Variants in ARB2A observed in about 807,000 individuals in gnomAD.
ARB2A encodes cotranscriptional regulator ARB2A.
chr5:94,094,846 T>C, the ARB2A span, among the ~76,000 whole-genome samples: 1 of 152,180 alleles, frequency 6.6e-6, no homozygotes, highest in East Asian at 1.9e-4. Context: ...CAGAACTCAC[T>C]GAAAGCTATT....
chr5:93,905,029 T>C, the ARB2A span, among the ~76,000 whole-genome samples: 1 of 151,770 alleles, frequency 6.6e-6, no homozygotes, highest in Non-Finnish European at 1.5e-5. Context: ...TTTAATTTCA[T>C]GCCATTTTGC....
At chr5:94,053,609 A>G in the ARB2A span, among the ~76,000 whole-genome samples, 1 of 152,290 alleles carries the variant, frequency 6.6e-6, no homozygotes, top group South Asian at 2.1e-4. Context: ...AAAGAAACTT[A>G]TAAATGTAAA....
chr5:94,003,442 T>C, the ARB2A span, among the ~76,000 whole-genome samples: 60 of 152,216 alleles, frequency 3.9e-4, no homozygotes, highest in Middle Eastern at 6.8e-3. Context: ...TCAGGTTGTG[T>C]ACATAGGATA....
chr5:93,993,378 G>A, the ARB2A span, among the ~76,000 whole-genome samples: 1 of 151,986 alleles, frequency 6.6e-6, no homozygotes, highest in Admixed American at 6.6e-5. Context: ...AAGAGAAATG[G>A]CTCATTAACT....
the ARB2A span, among the ~76,000 whole-genome samples, chr5:93,868,904 T>A: frequency 6.6e-6 from 1 of 152,224 alleles, no homozygotes; most frequent in Non-Finnish European, 1.5e-5. Context: ...TTCGACTGCC[T>A]TACCAAGAAA....
chr5:93,873,644 G>A, the ARB2A span, among the ~76,000 whole-genome samples: 2 of 152,094 alleles, frequency 1.3e-5, no homozygotes, highest in African/African-American at 4.8e-5. Context: ...GAAGAAACAG[G>A]TATGCTTTGG....
chr5:93,782,283 CTTGA>C, the ARB2A span, among the ~76,000 whole-genome samples: 1 of 152,104 alleles, frequency 6.6e-6, no homozygotes, highest in African/African-American at 2.4e-5. Flanking sequence ...AGCTTTCATC[CTTGA>C]TTATCACCTT....
chr5:93,752,702 T>A, the ARB2A span, among the ~76,000 whole-genome samples: 4 of 152,288 alleles, frequency 2.6e-5, no homozygotes, highest in South Asian at 6.2e-4. Flanking sequence ...TATATACTAG[T>A]GATCTATATA....
At chr5:94,074,824 G>A in the ARB2A span, 7 of 1,208,380 alleles carry the variant, frequency 5.8e-6, no homozygotes, top group East Asian at 4.8e-5. Flanking sequence ...TCTATTCCAC[G>A]AGAACTTCCT....
the ARB2A span, among the ~76,000 whole-genome samples, chr5:94,050,074 G>C: frequency 6.6e-6 from 1 of 151,658 alleles, no homozygotes; most frequent in Non-Finnish European, 1.5e-5. Flanking sequence ...CAAGTAACTA[G>C]GACTATAGGC....
At chr5:93,684,236 C>T in the ARB2A span, among the ~76,000 whole-genome samples, 1 of 152,088 alleles carries the variant, frequency 6.6e-6, no homozygotes, top group African/African-American at 2.4e-5. Context: ...GGAATCTGGC[C>T]CTGGGAGTCA....
chr5:94,106,450 G>C, the ARB2A span, among the ~76,000 whole-genome samples: 1 of 152,072 alleles, frequency 6.6e-6, no homozygotes, highest in Non-Finnish European at 1.5e-5. Context: ...AGTTGGAAGG[G>C]CTATTGTTAA....
the ARB2A span, among the ~76,000 whole-genome samples, chr5:93,757,955 G>T: frequency 6.6e-6 from 1 of 152,092 alleles, no homozygotes; most frequent in Non-Finnish European, 1.5e-5. Flanking sequence ...CAGAACCTCA[G>T]AATGGATAAG....
At chr5:94,095,907 C>T in the ARB2A span, among the ~76,000 whole-genome samples, 1 of 152,092 alleles carries the variant, frequency 6.6e-6, no homozygotes, top group Non-Finnish European at 1.5e-5. Context: ...ATCTCTCCCG[C>T]TCTCCATCTC....
At chr5:93,709,638 A>AC in the ARB2A span, among the ~76,000 whole-genome samples, 704 of 145,638 alleles carry the variant, frequency 4.8e-3, 5 homozygotes, top group African/African-American at 0.018. Context: ...GTCACAAAAA[A>AC]AAAAAAAAAA....
chr5:93,621,025 T>C, the ARB2A span: 2 of 1,611,186 alleles, frequency 1.2e-6, no homozygotes, highest in Admixed American at 1.7e-5. Flanking sequence ...GAGCGGCGCG[T>C]CACAGCCGGC....
At chr5:93,800,424 C>T in the ARB2A span, among the ~76,000 whole-genome samples, 4 of 145,696 alleles carry the variant, frequency 2.7e-5, no homozygotes, top group South Asian at 2.2e-4. Context: ...CACACACACA[C>T]GCACACAAAG....
chr5:93,894,176 G>A, the ARB2A span, among the ~76,000 whole-genome samples: 8 of 151,928 alleles, frequency 5.3e-5, no homozygotes, highest in Non-Finnish European at 1.2e-4. Flanking sequence ...CATATCTTAC[G>A]TTGTCATGCA....
At chr5:94,109,722 G>A in the ARB2A span, among the ~76,000 whole-genome samples, 1 of 151,912 alleles carries the variant, frequency 6.6e-6, no homozygotes, top group African/African-American at 2.4e-5. Flanking sequence ...TTTGTACTAG[G>A]CCAACTCATT....
Sources: allele counts gnomAD v4.1 joint callset (sites outside exome capture counted in the v4.1 genomes callset), GRCh38; gene constraint gnomAD v4.1.1; transcripts MANE v1.5; gene names NCBI Gene and HGNC (gene_info 2026-07-23, HGNC 2026-07-21).